The following TBCE variants were observed in gnomAD, a reference collection of about 807,000 sequenced individuals.
The protein encoded by TBCE is tubulin folding cofactor E.
In TBCE, 53 loss-of-function variants were observed where a neutral mutation model predicts 77.0. That is an observed-to-expected ratio of 0.69 (90% confidence interval 0.55 to 0.87). TBCE has a LOEUF of 0.87. Ranked by LOEUF, TBCE falls within the 40% of genes least tolerant of loss-of-function variation. TBCE has a pLI of 0.00. For missense variants in TBCE, 624 were observed against 622.4 expected, an observed-to-expected ratio of 1.00 and a Z score of -0.03; for synonymous variants, 235 against 241.3, an observed-to-expected ratio of 0.97 and a Z score of 0.24.
In TBCE at chr1:235,419,562, GTA is replaced by G. The variant is rs1680283194; in HGVS notation, c.460+3_460+4del. On this transcript the variant is annotated splice_donor_variant and splice_donor_region_variant and intron_variant, in intron 5 of 16. Coordinates refer to ENST00000642610, the MANE Select transcript of TBCE (RefSeq NM_003193.5). LOFTEE classifies it high-confidence loss of function. ...GGAGGAGTTGCTGAAGCATGTCCTA[GTA>G]TCCTTTTCACCGAGAGCTTGTTATT... The G allele has an allele frequency of 1.9e-6, 3 of 1,614,060 alleles. No homozygotes were observed. Among genetic ancestry groups the G allele is most frequent in the Non-Finnish European group, 2.5e-6 (3 of 1,180,020 alleles).
Position 235,414,474 on chromosome 1 carries a change from A to G in TBCE, c.227A>G (p.Asn76Ser). Residue 76 changes from asparagine (N) to serine (S), a missense_variant, in exon 4 of 17, where the codon AAT (asparagine) becomes AGT (serine). By Grantham distance (46) the Asn-to-Ser change is conservative. Transcript: ENST00000642610. ...GGSFIRPNKV[N>S]FGTDFLTAIK... ...TCCTTTATTCGTCCGAACAAGGTAA[A>G]TTTTGGAACAGACTTTCTTACTGCA... 6.2e-7 allele frequency: 1 copy of G among 1,613,860 alleles called. No homozygotes were observed. Among genetic ancestry groups the G allele is most frequent in the Non-Finnish European group, 8.5e-7 (1 of 1,180,000 alleles).
chr1:235,409,629 C>A (rs1679655172), intron 3 of TBCE, among the ~76,000 whole-genome samples: 1 of 151,608 alleles, frequency 6.6e-6, no homozygotes, highest in South Asian at 2.1e-4. Flanking sequence ...TCCTAACTCT[C>A]CTTTCATCTG....
At chr1:235,416,806 T>A (rs879676970) in intron 4 of TBCE, among the ~76,000 whole-genome samples, 1 of 152,190 alleles carries the variant, frequency 6.6e-6, no homozygotes, top group Non-Finnish European at 1.5e-5. Context: ...GGCTGGAGAT[T>A]AGTCAATTCA....
chr1:235,413,155 G>T lies in TBCE; in HGVS notation c.186-1278G>T, dbSNP rs558974692. Among the ~76,000 whole-genome samples the T allele has an allele frequency of 1.1e-3, 172 of 152,210 alleles. 4 individuals carry two copies. In the South Asian group the frequency reaches 0.033, roughly 30 times the overall value. On this transcript the variant is annotated intron_variant, in intron 3 of 16. Coordinates refer to ENST00000642610, the MANE Select transcript of TBCE (RefSeq NM_003193.5). ...TGATTTCTTTCTTTAAGAGTTAATGGTTGTTGCCTGGGCAACGTAGTGAGA... is the reference window on the plus strand; with the variant it reads ...TGATTTCTTTCTTTAAGAGTTAATGTTTGTTGCCTGGGCAACGTAGTGAGA...
At chr1:235,427,856 C>A (rs1324855839) in intron 6 of TBCE, among the ~76,000 whole-genome samples, 1 of 151,974 alleles carries the variant, frequency 6.6e-6, no homozygotes. Context: ...CATGGAGAAA[C>A]CCCGTCTCTA....
intron 1 of TBCE, among the ~76,000 whole-genome samples, chr1:235,371,331 C>T (rs1676938347): frequency 6.6e-6 from 1 of 150,906 alleles, no homozygotes; most frequent in African/African-American, 2.4e-5. Flanking sequence ...GCTGGGATTA[C>T]AGGCGTGAGC....
intron 1 of TBCE, among the ~76,000 whole-genome samples, chr1:235,373,007 A>C (rs189869990): frequency 8.6e-5 from 13 of 151,500 alleles, no homozygotes; most frequent in Non-Finnish European, 1.8e-4. Flanking sequence ...TAATGTGTTG[A>C]CTCTGTGGCT....
rs577509283 is a variant in TBCE, at chr1:235,400,951, A to G, written c.101-552A>G. Reference sequence around the variant, plus strand: ...ATTCCTGACCTCAGGTGATCCGCCCACTTTGGCCTTGCAAAGTGCTGGGAC... The same window carrying G: ...ATTCCTGACCTCAGGTGATCCGCCCGCTTTGGCCTTGCAAAGTGCTGGGAC... On this transcript the variant is annotated intron_variant, in intron 2 of 16. Coordinates refer to ENST00000642610, the MANE Select transcript of TBCE (RefSeq NM_003193.5). Among the ~76,000 whole-genome samples, 8 of 142,500 alleles carry G rather than the reference A, an allele frequency of 5.6e-5. No homozygotes were observed. The South Asian group carries it at 1.8e-3, about 32-fold the overall frequency. The allele number at this position is 142,500 out of a possible 152,430, so 93.5% of individuals were successfully genotyped here.
chr1:235,369,269 G>A (rs1373418672), intron 1 of TBCE, among the ~76,000 whole-genome samples: 1 of 152,136 alleles, frequency 6.6e-6, no homozygotes, highest in Non-Finnish European at 1.5e-5. Context: ...AGCACTTTGG[G>A]AGGCCGAGGT....
At chr1:235,396,215 C>A (rs984645768) in intron 2 of TBCE, among the ~76,000 whole-genome samples, 2 of 152,124 alleles carry the variant, frequency 1.3e-5, no homozygotes, top group East Asian at 3.9e-4. Flanking sequence ...CCCACCACCA[C>A]GCCCGGCTAA....
At position 235,450,810 on chromosome 1, in the gene TBCE, G is replaced by C. The variant is rs1682852292; in HGVS notation, c.*2048G>C. 6.7e-6 allele frequency: 1 copy of C among 149,450 alleles called. No homozygotes were observed. Among genetic ancestry groups the C allele is most frequent in the African/African-American group, 2.6e-5 (1 of 38,628 alleles). 9.3% of individuals were successfully genotyped at this position (149,450 alleles called of 1,614,324 possible). ...TCTTAACAATTGAGGAACAAACGAAGAGTTAAAAAACTTGTTCCAGGTCAC... is the reference window on the plus strand; with the variant it reads ...TCTTAACAATTGAGGAACAAACGAACAGTTAAAAAACTTGTTCCAGGTCAC... On this transcript the variant is annotated 3_prime_UTR_variant, in exon 17 of 17. Coordinates refer to ENST00000642610, the MANE Select transcript of TBCE (RefSeq NM_003193.5).
rs1160280902 is a variant in TBCE at position 235,424,322 on chromosome 1, CTTTT to C, written c.461-2801_461-2798del. Among the ~76,000 whole-genome samples the C allele has an allele frequency of 1.1e-3, 141 of 123,752 alleles. 1 individual carries two copies. Among genetic ancestry groups the C allele is most frequent in the African/African-American group, 3.8e-3 (127 of 33,446 alleles). The allele number at this position is 123,752 out of a possible 152,430, so 81.2% of individuals were successfully genotyped here. ...GTTGTTATTACTGGATCTTAGAGCT[CTTTT>C]TTTTTTTTTTTTTTTTGGAGATGGA... On this transcript the variant is annotated intron_variant, in intron 5 of 16. Coordinates refer to ENST00000642610, the MANE Select transcript of TBCE (RefSeq NM_003193.5).
chr1:235,375,068 C>T (rs1337667230), intron 1 of TBCE, among the ~76,000 whole-genome samples: 1 of 149,372 alleles, frequency 6.7e-6, no homozygotes, highest in Non-Finnish European at 1.5e-5. Flanking sequence ...CTACAGGCGC[C>T]CACCACCACG....
chr1:235,439,524 C>A (rs1186877790), intron 13 of TBCE, among the ~76,000 whole-genome samples: 1 of 151,494 alleles, frequency 6.6e-6, no homozygotes, highest in African/African-American at 2.4e-5. Flanking sequence ...TGGAGTCTTG[C>A]TCTGTCGCCC....
chr1:235,403,429 C>T (rs764172995), intron 3 of TBCE, among the ~76,000 whole-genome samples: 1 of 152,100 alleles, frequency 6.6e-6, no homozygotes, highest in Non-Finnish European at 1.5e-5. Flanking sequence ...AGACTGTTCT[C>T]GAACTCCTGA....
At chr1:235,383,382 A>C (rs1016336064) in intron 2 of TBCE, among the ~76,000 whole-genome samples, 1 of 152,166 alleles carries the variant, frequency 6.6e-6, no homozygotes, top group African/African-American at 2.4e-5. Flanking sequence ...TGGGGATGGC[A>C]TTGAATCTGT....
chr1:235,430,688 C>CT lies in TBCE; in HGVS notation c.561-9dup. Reference sequence around the variant, plus strand: ...CTGTATAGAAATAAGTACATTGTATCTTTTTTTTCTACACAGTGAAAATAA... The same window carrying CT: ...CTGTATAGAAATAAGTACATTGTATCTTTTTTTTTCTACACAGTGAAAATAA... On this transcript the variant is annotated splice_polypyrimidine_tract_variant and intron_variant, in intron 6 of 16. Transcript: ENST00000642610. 27 of 1,571,672 alleles carry CT rather than the reference C, an allele frequency of 1.7e-5. No homozygotes were observed. Among genetic ancestry groups the CT allele is most frequent in the African/African-American group, 2.7e-5 (2 of 74,002 alleles).
chr1:235,414,827 G>A (rs1680022458), intron 4 of TBCE: 6 of 557,412 alleles, frequency 1.1e-5, no homozygotes, highest in Admixed American at 3.1e-5. Context: ...GATTTATCCA[G>A]TTTGCAATTG....
chr1:235,432,929 TAAAA>T, intron 7 of TBCE: 2 of 885,738 alleles, frequency 2.3e-6, no homozygotes, highest in Non-Finnish European at 2.9e-6. Context: ...TTTTTTTTTG[TAAAA>T]AAAAAAAATT....
Sources: allele counts gnomAD v4.1 joint callset (sites outside exome capture counted in the v4.1 genomes callset), GRCh38; gene constraint gnomAD v4.1.1; transcripts MANE v1.5; gene names NCBI Gene and HGNC (gene_info 2026-07-23, HGNC 2026-07-21).